ASTN2: variants seen among roughly 807,000 people sequenced by gnomAD.
ASTN2 encodes astrotactin 2.
Under a neutral mutation model 139.8 loss-of-function variants are expected in ASTN2, and 54 were observed. The ratio of observed to expected loss-of-function variants is 0.39; its 90% CI spans 0.31 to 0.48. The LOEUF (loss-of-function observed/expected upper bound fraction) is 0.48. ASTN2 is among the 20% of genes least tolerant of loss of function. ASTN2 has a pLI of 0.95. For missense variants in ASTN2, 1,565 were observed against 1,725.1 expected (o/e 0.91, Z 1.64); for synonymous variants, 756 against 719.5 (o/e 1.05, Z -0.81).
At chr9:116,945,571 C>T (rs1047897322) in intron 10 of ASTN2, among the ~76,000 whole-genome samples, 1 of 151,888 alleles carries the variant, frequency 6.6e-6, no homozygotes, top group Non-Finnish European at 1.5e-5. Flanking sequence ...TCTTTTCTTC[C>T]TTTCCTTCCT....
At chr9:117,125,828 GC>G (rs578150016) in intron 4 of ASTN2, among the ~76,000 whole-genome samples, 10 of 95,158 alleles carry the variant, frequency 1.1e-4, no homozygotes, top group African/African-American at 3.6e-4. Context: ...TTTCATTGCG[GC>G]GGGGGGGGGA....
At chr9:117,006,576 A>T (rs935464446) in intron 7 of ASTN2, among the ~76,000 whole-genome samples, 3 of 152,070 alleles carry the variant, frequency 2.0e-5, no homozygotes, top group Non-Finnish European at 2.9e-5. Context: ...GCCTTTGAAC[A>T]CCCCTGAATC....
At chr9:116,919,048 A>C (rs1356529326) in intron 10 of ASTN2, among the ~76,000 whole-genome samples, 1 of 151,698 alleles carries the variant, frequency 6.6e-6, no homozygotes, top group South Asian at 2.1e-4. Context: ...CAGTTTTCTC[A>C]TCTCTAAAAG....
chr9:116,590,418 G>A (rs1338892372), intron 19 of ASTN2, among the ~76,000 whole-genome samples: 1 of 152,234 alleles, frequency 6.6e-6, no homozygotes, highest in Non-Finnish European at 1.5e-5. Context: ...CCAGCCCCCT[G>A]TTGCCTTGGC....
At chr9:116,555,403 T>A (rs1852561357) in intron 19 of ASTN2, among the ~76,000 whole-genome samples, 1 of 152,182 alleles carries the variant, frequency 6.6e-6, no homozygotes, top group Non-Finnish European at 1.5e-5. Context: ...CTTCCCCTGC[T>A]CTGTCCCCAC....
At chr9:116,556,252 C>A (rs1852608766) in intron 19 of ASTN2, among the ~76,000 whole-genome samples, 1 of 152,194 alleles carries the variant, frequency 6.6e-6, no homozygotes, top group Admixed American at 6.5e-5. Flanking sequence ...TTTATTTATA[C>A]TTCTTTGTCT....
chr9:116,475,712 G>A (rs1000563949), intron 20 of ASTN2, among the ~76,000 whole-genome samples: 3 of 152,180 alleles, frequency 2.0e-5, no homozygotes, highest in African/African-American at 7.2e-5. Context: ...TCTAGGCATT[G>A]TTCAGATGCT....
At chr9:116,824,286 C>T (rs1035694003) in intron 11 of ASTN2, among the ~76,000 whole-genome samples, 2 of 152,160 alleles carry the variant, frequency 1.3e-5, no homozygotes, top group South Asian at 4.1e-4. Context: ...CTACACTGCA[C>T]CAGAATTGGT....
At chr9:116,618,965 G>A (rs1162843255) in intron 18 of ASTN2, among the ~76,000 whole-genome samples, 1 of 152,044 alleles carries the variant, frequency 6.6e-6, no homozygotes, top group African/African-American at 2.4e-5. Flanking sequence ...AAAATAGAAT[G>A]ATTAAAGGTT....
intron 5 of ASTN2, among the ~76,000 whole-genome samples, chr9:117,059,639 C>T (rs1039093251): frequency 1.3e-5 from 2 of 151,886 alleles, no homozygotes; most frequent in African/African-American, 4.8e-5. Flanking sequence ...AAAAAACAAA[C>T]AAACAAAAAC....
chr9:116,578,786 ACTGAGGAAAC>A (rs1349072191), intron 19 of ASTN2, among the ~76,000 whole-genome samples: 1 of 151,958 alleles, frequency 6.6e-6, no homozygotes, highest in East Asian at 1.9e-4. Context: ...AAAAATACCA[ACTGAGGAAAC>A]CTAATATGTA....
intron 10 of ASTN2, among the ~76,000 whole-genome samples, chr9:116,949,603 T>C (rs1403159517): frequency 6.6e-6 from 1 of 152,210 alleles, no homozygotes; most frequent in Non-Finnish European, 1.5e-5. Context: ...CTTGAGACTA[T>C]GATTGTGACT....
chr9:117,187,093 C>A (rs1332988427), intron 3 of ASTN2, among the ~76,000 whole-genome samples: 1 of 152,162 alleles, frequency 6.6e-6, no homozygotes, highest in Non-Finnish European at 1.5e-5. Flanking sequence ...TGTGCCACTG[C>A]ACTCCAGCCT....
intron 5 of ASTN2, among the ~76,000 whole-genome samples, chr9:117,078,697 T>G (rs1449886860): frequency 6.6e-6 from 1 of 152,166 alleles, no homozygotes; most frequent in East Asian, 1.9e-4. Flanking sequence ...AAGGCAATGA[T>G]TCTCAACTAT....
intron 20 of ASTN2, among the ~76,000 whole-genome samples, chr9:116,448,714 CT>C (rs1440545448): frequency 3.9e-5 from 6 of 152,206 alleles, no homozygotes; most frequent in Non-Finnish European, 8.8e-5. Context: ...AGAGTTTTAT[CT>C]TGTGGGATTG....
At chr9:116,764,051 A>G (rs535012991) in intron 13 of ASTN2, among the ~76,000 whole-genome samples, 3 of 152,288 alleles carry the variant, frequency 2.0e-5, no homozygotes, top group East Asian at 3.9e-4. Context: ...CAACACTCCT[A>G]TGATATAAGG....
At chr9:117,005,300 G>A (rs182314720) in intron 7 of ASTN2, among the ~76,000 whole-genome samples, 1 of 151,620 alleles carries the variant, frequency 6.6e-6, no homozygotes, top group African/African-American at 2.4e-5. Context: ...TGTTGGCCAG[G>A]ATGGTCTTGA....
At chr9:117,315,221 T>C (rs1397246248) in intron 1 of ASTN2, among the ~76,000 whole-genome samples, 1 of 152,084 alleles carries the variant, frequency 6.6e-6, no homozygotes, top group Non-Finnish European at 1.5e-5. Flanking sequence ...TACAAGGTAT[T>C]TTTCTCCTCT....
chr9:117,240,762 T>C (rs573466600), intron 2 of ASTN2, among the ~76,000 whole-genome samples: 2 of 152,286 alleles, frequency 1.3e-5, no homozygotes, highest in East Asian at 3.9e-4. Context: ...AATCCTCATT[T>C]TGTAGATGGA....
Sources: allele counts gnomAD v4.1 joint callset (sites outside exome capture counted in the v4.1 genomes callset), GRCh38; gene constraint gnomAD v4.1.1; transcripts MANE v1.5; gene names NCBI Gene and HGNC (gene_info 2026-07-23, HGNC 2026-07-21).